The following KCTD1 variants were observed in gnomAD, a reference collection of about 807,000 sequenced individuals.
The protein encoded by KCTD1 is BTB/POZ domain-containing protein KCTD1.
KCTD1 carries 24 observed loss-of-function variants against 66.0 expected under a neutral mutation model. That is an observed-to-expected ratio of 0.36 (90% CI 0.26 to 0.51). KCTD1 has a LOEUF of 0.51. Ranked by LOEUF, KCTD1 falls within the 20% of genes least tolerant of loss-of-function variation. The pLI is 0.95. For missense variants in KCTD1, 943 were observed against 1,205.2 expected (o/e 0.78, Z 3.22); for synonymous variants, 511 against 517.2 (o/e 0.99, Z 0.16).
chr18:26,524,834 CA>C (rs1057488023), intron 1 of KCTD1, among the ~76,000 whole-genome samples: 25 of 152,054 alleles, frequency 1.6e-4, no homozygotes, highest in African/African-American at 5.8e-4. Flanking sequence ...AATTTTAAGA[CA>C]TTTTTTAATT....
intron 1 of KCTD1, among the ~76,000 whole-genome samples, chr18:26,502,314 G>A (rs1298609195): frequency 6.6e-6 from 1 of 152,156 alleles, no homozygotes; most frequent in Non-Finnish European, 1.5e-5. Context: ...CTCCCAAAGT[G>A]CTGGGATTAC....
At chr18:26,470,729 C>T (rs1013008309) in intron 3 of KCTD1, among the ~76,000 whole-genome samples, 1 of 152,244 alleles carries the variant, frequency 6.6e-6, no homozygotes. Context: ...GTGATAGATG[C>T]ACTGCGTGTG....
chr18:26,591,106 A>T lies in KCTD1; in HGVS notation c.-16+38041T>A, dbSNP rs143226453. Among the ~76,000 whole-genome samples the T allele has an allele frequency of 2.2e-3, 336 of 152,234 alleles. 1 individual carries two copies. Among genetic ancestry groups the T allele is most frequent in the African/African-American group, 7.7e-3 (321 of 41,548 alleles). On this transcript the variant is annotated intron_variant, in intron 1 of 4. Coordinates refer to the KCTD1 transcript ENST00000317932. ...GGCTGGAGTGCAGTGGTGCAATTAT[A>T]GCTTGAACTCCTGGCCTCAAGCCAT...
intron 1 of KCTD1, among the ~76,000 whole-genome samples, chr18:26,610,301 G>T (rs1374324324): frequency 6.6e-6 from 1 of 152,118 alleles, no homozygotes; most frequent in Non-Finnish European, 1.5e-5. Context: ...GGCCAGGCAT[G>T]GTGGCTCATG....
intron 1 of KCTD1, among the ~76,000 whole-genome samples, chr18:26,527,730 T>C (rs1984240103): frequency 6.6e-6 from 1 of 152,214 alleles, no homozygotes. Flanking sequence ...GTCAATCTTG[T>C]GGTAAATTGT....
At chr18:26,513,243 A>G (rs1256531300) in intron 1 of KCTD1, among the ~76,000 whole-genome samples, 1 of 151,898 alleles carries the variant, frequency 6.6e-6, no homozygotes, top group Admixed American at 6.5e-5. Flanking sequence ...GCCCGCAACC[A>G]CGCCGGGCTA....
At chr18:26,479,764 G>C (rs956422947) in intron 2 of KCTD1, among the ~76,000 whole-genome samples, 3 of 152,250 alleles carry the variant, frequency 2.0e-5, no homozygotes, top group African/African-American at 7.2e-5. Flanking sequence ...TGGTGCCAAG[G>C]GTCGTAAAAT....
chr18:26,622,566 G>A (rs945306268), intron 1 of KCTD1, among the ~76,000 whole-genome samples: 1 of 152,156 alleles, frequency 6.6e-6, no homozygotes. Flanking sequence ...CAGTGAAAGG[G>A]TCAACAAATA....
At chr18:26,577,054 G>C (rs951450838) in intron 1 of KCTD1, among the ~76,000 whole-genome samples, 1 of 152,182 alleles carries the variant, frequency 6.6e-6, no homozygotes, top group Non-Finnish European at 1.5e-5. Context: ...TCCTTGATAA[G>C]TTGAAGAATT....
At chr18:26,536,093 T>C (rs1282368036) in intron 1 of KCTD1, among the ~76,000 whole-genome samples, 1 of 152,154 alleles carries the variant, frequency 6.6e-6, no homozygotes, top group South Asian at 2.1e-4. Flanking sequence ...GAAAGCCCTT[T>C]GCTTTCCTGT....
intron 1 of KCTD1, among the ~76,000 whole-genome samples, chr18:26,567,452 C>T (rs1986006389): frequency 6.7e-6 from 1 of 149,110 alleles, no homozygotes; most frequent in South Asian, 2.1e-4. Context: ...AGAGGAAATG[C>T]TGTTGTTCTA....
At chr18:26,593,345 AGAG>A (rs1226392690) in intron 1 of KCTD1, among the ~76,000 whole-genome samples, 1 of 32,142 alleles carries the variant, frequency 3.1e-5, no homozygotes, top group Non-Finnish European at 8.3e-5. Flanking sequence ...AAGAGGAGGA[AGAG>A]GAGGAGGAGG....
chr18:26,632,078 A>G (rs56899719), upstream of KCTD1, among the ~76,000 whole-genome samples: 2 of 148,352 alleles, frequency 1.3e-5, no homozygotes, highest in African/African-American at 2.5e-5. Flanking sequence ...ACAAAAAAAA[A>G]CCATTTCATT....
At chr18:26,558,711 C>T (rs181946594) in intron 1 of KCTD1, among the ~76,000 whole-genome samples, 9 of 152,188 alleles carry the variant, frequency 5.9e-5, no homozygotes, top group African/African-American at 2.2e-4. Context: ...ATCACGAGGT[C>T]AAGAGATCGA....
upstream of KCTD1, chr18:26,548,998 AC>A (rs1413473887): frequency 1.0e-6 from 1 of 984,590 alleles, no homozygotes; most frequent in African/African-American, 1.8e-5. Context: ...TGCCCCTTCC[AC>A]TGCCCCCTCA....
chr18:26,542,765 C>T (rs1345751079), intron 1 of KCTD1, among the ~76,000 whole-genome samples: 2 of 152,294 alleles, frequency 1.3e-5, no homozygotes, highest in Middle Eastern at 3.4e-3. Context: ...TGAATGGGAT[C>T]CACTTTCTCC....
chr18:26,548,893 T>C, upstream of KCTD1: 1 of 992,246 alleles, frequency 1.0e-6, no homozygotes, highest in Non-Finnish European at 1.2e-6. Context: ...CAACTTACCC[T>C]CTGGCGGAGA....
intron 2 of KCTD1, 78 bp downstream of exon 2, chr18:26,500,994 C>T (rs367953512): frequency 6.6e-7 from 1 of 1,523,308 alleles, no homozygotes; most frequent in East Asian, 2.3e-5. Context: ...CGAGGCTACA[C>T]TGCTATGCTG....
At chr18:26,600,293 A>G in intron 1 of KCTD1, 1 of 1,604,524 alleles carries the variant, frequency 6.2e-7, no homozygotes, top group South Asian at 1.1e-5. Flanking sequence ...CCAGCCTTCA[A>G]ACCTGGGGAA....
Sources: gnomAD v4.1 joint callset for allele counts (sites outside exome capture counted in the v4.1 genomes callset) on GRCh38, gnomAD v4.1.1 for gene constraint, MANE v1.5 for transcripts, NCBI Gene and HGNC (gene_info 2026-07-23, HGNC 2026-07-21) for gene names.